Variants in PMEPA1 observed in about 807,000 individuals in gnomAD.
The protein encoded by PMEPA1 is protein TMEPAI.
A neutral mutation model predicts 23.0 loss-of-function variants in PMEPA1; 11 were observed. That is an observed-to-expected ratio of 0.48 (90% CI 0.30 to 0.79). The LOEUF (loss-of-function observed/expected upper bound fraction) is 0.79. Ranked by LOEUF, PMEPA1 falls within the 30% of genes least tolerant of loss-of-function variation. PMEPA1 has a pLI of 0.06. For missense variants in PMEPA1, 377 were observed against 390.9 expected (o/e 0.96, Z 0.30); for synonymous variants, 204 against 166.4 (o/e 1.23, Z -1.74).
chr20:57,692,838 T>C (rs2071900377), intron 1 of PMEPA1, among the ~76,000 whole-genome samples: 1 of 152,226 alleles, frequency 6.6e-6, no homozygotes, highest in African/African-American at 2.4e-5. Context: ...CTCAGCAATG[T>C]CTCAGGGAGC....
chr20:57,660,738 ACACACACAACACCCCAACACTCCTC>A (rs1960948896), intron 1 of PMEPA1, among the ~76,000 whole-genome samples: 4 of 143,620 alleles, frequency 2.8e-5, no homozygotes, highest in East Asian at 2.1e-4. Flanking sequence ...TAACACTCCT[ACACACACAACACCCCAACACTCCTC>A]CACACACAAC....
At chr20:57,697,538 G>A (rs888477439) in intron 1 of PMEPA1, among the ~76,000 whole-genome samples, 1 of 152,246 alleles carries the variant, frequency 6.6e-6, no homozygotes, top group African/African-American at 2.4e-5. Context: ...CATCCAACCA[G>A]CAGCTAGACA....
chr20:57,657,463 G>C (rs916046451), intron 2 of PMEPA1, among the ~76,000 whole-genome samples: 2 of 152,232 alleles, frequency 1.3e-5, no homozygotes, highest in Non-Finnish European at 2.9e-5. Context: ...GTGAACCCCT[G>C]AAGTCCCTGA....
chr20:57,651,746 C>T lies in PMEPA1; in HGVS notation c.*307G>A, dbSNP rs1185662327. On this transcript the variant is annotated 3_prime_UTR_variant, in exon 4 of 4. Transcript: ENST00000341744. ...TCATAAACAAAAGAAAATAAGCATT[C>T]ACGCACGCAGCTCAACTAGAAACAA... is the stretch of plus-strand genomic sequence containing the variant. 4.4e-6 allele frequency: 1 copy of T among 226,782 alleles called. No homozygotes were observed. The highest frequency in any genetic ancestry group is 8.5e-6 in the Non-Finnish European group (1 of 117,722). The allele number at this position is 226,782 out of a possible 1,614,324, so 14.0% of individuals were successfully genotyped here.
At chr20:57,707,349 C>A (rs535353741) in intron 1 of PMEPA1, among the ~76,000 whole-genome samples, 13 of 152,328 alleles carry the variant, frequency 8.5e-5, no homozygotes, top group Middle Eastern at 3.4e-3. Context: ...CAAACTGTTA[C>A]AGTATACCTG....
intron 1 of PMEPA1, among the ~76,000 whole-genome samples, chr20:57,695,732 C>G (rs983247303): frequency 6.6e-6 from 1 of 152,208 alleles, no homozygotes; most frequent in Non-Finnish European, 1.5e-5. Flanking sequence ...TGAGTTTCCT[C>G]CTCCCCCTCA....
chr20:57,690,424 CTT>C, intron 1 of PMEPA1: 5 of 1,304,102 alleles, frequency 3.8e-6, no homozygotes, highest in Non-Finnish European at 5.1e-6. Context: ...GGCATTTTGA[CTT>C]TTCGCCTGTC....
chr20:57,658,339 G>A (rs950610425), intron 2 of PMEPA1, among the ~76,000 whole-genome samples: 5 of 152,126 alleles, frequency 3.3e-5, no homozygotes, highest in African/African-American at 7.2e-5. Context: ...TGCACAGCAC[G>A]GCCTCAAGAG....
At chr20:57,685,398 T>A (rs1023443019) in intron 1 of PMEPA1, among the ~76,000 whole-genome samples, 3 of 152,174 alleles carry the variant, frequency 2.0e-5, no homozygotes, top group African/African-American at 7.2e-5. Flanking sequence ...CAGATCTCTC[T>A]CCCCTCACGC....
intron 1 of PMEPA1, among the ~76,000 whole-genome samples, chr20:57,666,130 C>A (rs933396342): frequency 2.6e-5 from 4 of 152,134 alleles, no homozygotes; most frequent in African/African-American, 9.7e-5. Context: ...TAAGGTCACT[C>A]TAATTTAATT....
chr20:57,710,382 T>A, upstream of PMEPA1: 1 of 1,486,070 alleles, frequency 6.7e-7, no homozygotes, highest in Non-Finnish European at 9.2e-7. Context: ...TAGCCTATCT[T>A]CTGAGGAGCA....
Position 57,656,520 on chromosome 20 carries a change from G to A in PMEPA1, c.264+3023C>T, listed in dbSNP as rs993959863. ...GTAAACCTGAAGTCTGCGCCACTCC[G>A]TGGCTGGGCGGTCACTGCAGTGACG... On this transcript the variant is annotated intron_variant, in intron 2 of 3. Transcript: ENST00000341744. The surrounding 1 kb of genome is among the most constrained non-coding windows in gnomAD (Gnocchi z 4.7). Among the ~76,000 whole-genome samples, 2 of 152,132 alleles carry A rather than the reference G, an allele frequency of 1.3e-5. No homozygotes were observed. Among genetic ancestry groups the A allele is most frequent in the African/African-American group, 4.8e-5 (2 of 41,460 alleles).
At chr20:57,707,606 G>A (rs951988865) in intron 1 of PMEPA1, among the ~76,000 whole-genome samples, 2 of 151,892 alleles carry the variant, frequency 1.3e-5, no homozygotes, top group Admixed American at 6.6e-5. Flanking sequence ...AAACATCATG[G>A]ACTGATGAGC....
intron 2 of PMEPA1, among the ~76,000 whole-genome samples, chr20:57,657,120 C>T (rs115169789): frequency 1.9e-3 from 293 of 152,326 alleles, no homozygotes; most frequent in African/African-American, 6.6e-3. Flanking sequence ...CCGTCTCCTG[C>T]TCCACAACAG....
At chr20:57,668,093 C>CT (rs2071519188) in intron 1 of PMEPA1, among the ~76,000 whole-genome samples, 1 of 152,176 alleles carries the variant, frequency 6.6e-6, no homozygotes, top group South Asian at 2.1e-4. Flanking sequence ...AGAGTGCTTG[C>CT]TTTGTGGCAA....
chr20:57,709,084 C>T (rs1017147752), intron 1 of PMEPA1, among the ~76,000 whole-genome samples: 1 of 152,098 alleles, frequency 6.6e-6, no homozygotes. Flanking sequence ...GTCTCACACG[C>T]CCCTCCACCC....
intron 1 of PMEPA1, among the ~76,000 whole-genome samples, chr20:57,667,039 G>T (rs1331027160): frequency 1.3e-5 from 2 of 152,244 alleles, no homozygotes; most frequent in Non-Finnish European, 2.9e-5. Context: ...GACACCCACA[G>T]CGTCCAGAGC....
At chr20:57,695,624 C>T (rs900195787) in intron 1 of PMEPA1, among the ~76,000 whole-genome samples, 2 of 152,216 alleles carry the variant, frequency 1.3e-5, no homozygotes, top group Admixed American at 6.5e-5. Flanking sequence ...GAAAACCCAT[C>T]TCCCAAACTA....
intron 1 of PMEPA1, among the ~76,000 whole-genome samples, chr20:57,705,787 A>G (rs1258855202): frequency 6.6e-6 from 1 of 152,200 alleles, no homozygotes; most frequent in African/African-American, 2.4e-5. Flanking sequence ...CCATGTCTGG[A>G]GACATTTCTG....
Sources: gnomAD v4.1 joint callset for allele counts (sites outside exome capture counted in the v4.1 genomes callset) on GRCh38, gnomAD v4.1.1 for gene constraint, Gnocchi (gnomAD v3.1) non-coding constraint, MANE v1.5 for transcripts, NCBI Gene and HGNC (gene_info 2026-07-23, HGNC 2026-07-21) for gene names.